Variants in GALNT17 observed in about 807,000 individuals in gnomAD.
GALNT17 encodes the protein UDP-GalNAc:polypeptide N-acetylgalactosaminyltransferase-like 3.
A neutral mutation model predicts 63.7 loss-of-function variants in GALNT17; 29 were observed. The observed-to-expected ratio is 0.46, with a 90% confidence interval of 0.34 to 0.62. The LOEUF is 0.62. Ranked by LOEUF, GALNT17 falls within the 20% of genes least tolerant of loss-of-function variation. The pLI is 0.01. For missense variants in GALNT17, 603 were observed against 799.6 expected (o/e 0.75, Z 2.97); for synonymous variants, 305 against 318.3 (o/e 0.96, Z 0.45).
intron 2 of GALNT17, among the ~76,000 whole-genome samples, chr7:71,358,044 C>G (rs552971058): frequency 6.6e-6 from 1 of 152,206 alleles, no homozygotes; most frequent in Non-Finnish European, 1.5e-5. Flanking sequence ...CTCGGGTCCC[C>G]TTCCATGCTG....
At position 71,151,784 on chromosome 7, in the gene GALNT17, T is replaced by C. The variant is rs570155948; in HGVS notation, c.238+18744T>C. On this transcript the variant is annotated intron_variant, in intron 1 of 10. Transcript: ENST00000333538. The stretch of plus-strand genomic sequence containing the variant: ...AATATGGCTAAGTTGTTTGTAATTA[T>C]AAACAACTAAATAATATATGCATTG... Among the ~76,000 whole-genome samples the C allele has an allele frequency of 4.6e-5, 7 of 152,236 alleles. No homozygotes were observed. The East Asian group carries it at 1.2e-3, about 25-fold the overall frequency.
chr7:71,675,249 C>T (rs1048540351), intron 8 of GALNT17, among the ~76,000 whole-genome samples: 12 of 151,992 alleles, frequency 7.9e-5, no homozygotes, highest in Non-Finnish European at 1.8e-4. Flanking sequence ...TGCAGTAGAC[C>T]GTGGACTACT....
intron 6 of GALNT17, among the ~76,000 whole-genome samples, chr7:71,649,769 G>A (rs1335734572): frequency 6.6e-6 from 1 of 152,216 alleles, no homozygotes; most frequent in Admixed American, 6.5e-5. Flanking sequence ...CTGCAGGGAA[G>A]TGGATTAAAG....
At chr7:71,439,140 C>T (rs141260405) in intron 5 of GALNT17, among the ~76,000 whole-genome samples, 3,112 of 152,222 alleles carry the variant, frequency 0.02, 47 homozygotes, top group African/African-American at 0.035. Context: ...CCTCCCACCT[C>T]GGCCTCCCAA....
chr7:71,260,274 C>T (rs975704307), intron 1 of GALNT17, among the ~76,000 whole-genome samples: 2 of 152,154 alleles, frequency 1.3e-5, no homozygotes, highest in Admixed American at 1.3e-4. Flanking sequence ...AAATGATTTG[C>T]AGTGTCTCTT....
At chr7:71,591,400 G>C (rs999136273) in intron 6 of GALNT17, among the ~76,000 whole-genome samples, 1 of 151,900 alleles carries the variant, frequency 6.6e-6, no homozygotes, top group Non-Finnish European at 1.5e-5. Flanking sequence ...CAGCTGTAAG[G>C]GTCCCGAATT....
chr7:71,188,719 A>C (rs1438268315), intron 1 of GALNT17, among the ~76,000 whole-genome samples: 3 of 151,948 alleles, frequency 2.0e-5, no homozygotes, highest in African/African-American at 7.3e-5. Context: ...GCTGTGCAAA[A>C]GCTCTTTAGT....
intron 6 of GALNT17, among the ~76,000 whole-genome samples, chr7:71,594,909 A>G (rs1789864027): frequency 1.3e-5 from 2 of 152,182 alleles, no homozygotes; most frequent in African/African-American, 2.4e-5. Context: ...TGTGGACATG[A>G]CCTTATTGGG....
intron 1 of GALNT17, among the ~76,000 whole-genome samples, chr7:71,313,476 A>T (rs558992305): frequency 6.6e-6 from 1 of 152,356 alleles, no homozygotes; most frequent in South Asian, 2.1e-4. Context: ...TTTCTCCTGC[A>T]GTGGGCCAAC....
chr7:71,311,439 G>T (rs1482540522), intron 1 of GALNT17, among the ~76,000 whole-genome samples: 1 of 152,068 alleles, frequency 6.6e-6, no homozygotes, highest in Non-Finnish European at 1.5e-5. Flanking sequence ...GTGAGCTAAG[G>T]GTGCTGTTAT....
chr7:71,508,924 G>A (rs1788308562), intron 5 of GALNT17, among the ~76,000 whole-genome samples: 1 of 152,148 alleles, frequency 6.6e-6, no homozygotes, highest in Admixed American at 6.5e-5. Flanking sequence ...TCGTGTGCAT[G>A]TGTCTGTGTG....
At chr7:71,237,893 T>A (rs1213310060) in intron 1 of GALNT17, among the ~76,000 whole-genome samples, 1 of 152,180 alleles carries the variant, frequency 6.6e-6, no homozygotes, top group Non-Finnish European at 1.5e-5. Flanking sequence ...GATCTTTGTG[T>A]GTGATGGGGA....
chr7:71,660,263 C>T (rs605586), intron 6 of GALNT17, among the ~76,000 whole-genome samples: 55,317 of 151,974 alleles, frequency 0.36, 10,361 homozygotes, highest in Non-Finnish European at 0.38. Context: ...CACCAAGAAC[C>T]CTGCGGTGGG....
intron 1 of GALNT17, among the ~76,000 whole-genome samples, chr7:71,237,268 TG>T (rs145528219): frequency 0.034 from 5,156 of 152,218 alleles, 112 homozygotes; most frequent in South Asian, 0.058. Flanking sequence ...GACTGTTTAC[TG>T]TAGGTGTGAA....
At position 71,698,066 on chromosome 7, in the gene GALNT17, C is replaced by T. The variant is rs150830101; in HGVS notation, c.1501-12695C>T. Among the ~76,000 whole-genome samples, 750 of 142,926 alleles carry T rather than the reference C, an allele frequency of 5.2e-3. 7 individuals are homozygous for T. The highest frequency in any genetic ancestry group is 0.018 in the African/African-American group (673 of 38,162). 93.8% of individuals were successfully genotyped at this position (142,926 alleles called of 152,430 possible). ...TGAATCTGGGAGGCAGAGGTTACAG[C>T]GAGCCATGATCACGCCACTGCACTC... On this transcript the variant is annotated intron_variant, in intron 9 of 10. Transcript: ENST00000333538.
intron 1 of GALNT17, among the ~76,000 whole-genome samples, chr7:71,223,716 C>A (rs1789629591): frequency 6.6e-6 from 1 of 152,152 alleles, no homozygotes; most frequent in South Asian, 2.1e-4. Context: ...CCACCCTCCA[C>A]CCTCCATGCT....
intron 5 of GALNT17, among the ~76,000 whole-genome samples, chr7:71,535,981 C>T (rs1049879472): frequency 1.6e-4 from 24 of 152,196 alleles, no homozygotes; most frequent in African/African-American, 2.9e-4. Flanking sequence ...TATATAACAC[C>T]GCAGCCAGGC....
intron 1 of GALNT17, among the ~76,000 whole-genome samples, chr7:71,155,097 G>A (rs1022247981): frequency 7.3e-5 from 11 of 151,672 alleles, no homozygotes; most frequent in East Asian, 1.9e-4. Flanking sequence ...ACCACCGAGC[G>A]TTGAGTTTAT....
At chr7:71,593,463 A>G (rs1468480025) in intron 6 of GALNT17, among the ~76,000 whole-genome samples, 3 of 151,916 alleles carry the variant, frequency 2.0e-5, no homozygotes, top group African/African-American at 7.3e-5. Flanking sequence ...ACAGGGTTTC[A>G]CCATGTTGGC....
Sources: allele counts gnomAD v4.1 joint callset (sites outside exome capture counted in the v4.1 genomes callset), GRCh38; gene constraint gnomAD v4.1.1; transcripts MANE v1.5; gene names NCBI Gene and HGNC (gene_info 2026-07-23, HGNC 2026-07-21).